Variants in GLT8D2 observed in about 807,000 individuals in gnomAD.
GLT8D2 encodes glycosyltransferase 8 domain containing 2.
In GLT8D2, 45 loss-of-function variants were observed where a neutral mutation model predicts 44.5. The observed-to-expected ratio is 1.01, with a 90% CI of 0.80 to 1.30. The LOEUF (loss-of-function observed/expected upper bound fraction) is 1.30, where lower values mean the gene tolerates loss of function less well. Ranked by LOEUF, GLT8D2 falls within the 50% of genes most tolerant of loss-of-function variation. The pLI, the probability that GLT8D2 is intolerant of heterozygous loss-of-function variation, is 0.00. For synonymous variants in GLT8D2, 156 were observed against 157.2 expected (o/e 0.99, Z 0.06); for missense variants, 400 against 430.4 (o/e 0.93, Z 0.62).
At chr12:104,031,431 A>G in intron 1 of GLT8D2, 2 of 1,612,052 alleles carry the variant, frequency 1.2e-6, no homozygotes, top group Middle Eastern at 1.9e-4. Flanking sequence ...CCCATTGTCT[A>G]TGAATTGGAC....
At chr12:104,041,262 A>C (rs112945810) in intron 1 of GLT8D2, among the ~76,000 whole-genome samples, 360 of 152,202 alleles carry the variant, frequency 2.4e-3, no homozygotes, top group Middle Eastern at 6.8e-3. Flanking sequence ...AAAAATACAA[A>C]AATTAGCTGG....
chr12:104,026,420 G>A (rs1878581532), intron 1 of GLT8D2, among the ~76,000 whole-genome samples: 1 of 152,084 alleles, frequency 6.6e-6, no homozygotes, highest in Non-Finnish European at 1.5e-5. Flanking sequence ...ATATTCTGGA[G>A]TATTTTATTT....
intron 1 of GLT8D2, among the ~76,000 whole-genome samples, chr12:104,045,917 AAG>A (rs1491121170): frequency 4.1e-5 from 6 of 146,422 alleles, no homozygotes; most frequent in East Asian, 2.1e-4. Context: ...GAAAGAAAGA[AAG>A]AAAGAAAGAA....
At chr12:104,049,384 C>T (rs1247343155) in intron 1 of GLT8D2, 1 of 152,024 alleles carries the variant, frequency 6.6e-6, no homozygotes, top group African/African-American at 2.4e-5. Flanking sequence ...GCATTTTCAA[C>T]CCAAACACCA....
At chr12:104,038,664 G>A (rs1211420388) in intron 1 of GLT8D2, among the ~76,000 whole-genome samples, 3 of 152,098 alleles carry the variant, frequency 2.0e-5, no homozygotes, top group African/African-American at 7.2e-5. Context: ...ACAAATGGAA[G>A]AACATTCCAT....
upstream of GLT8D2, among the ~76,000 whole-genome samples, chr12:104,051,895 T>C (rs1451125769): frequency 6.6e-6 from 1 of 152,182 alleles, no homozygotes; most frequent in Non-Finnish European, 1.5e-5. Context: ...TTTAAGGTAA[T>C]GGATATCCCA....
At chr12:104,039,570 G>A (rs1486689002) in intron 1 of GLT8D2, among the ~76,000 whole-genome samples, 1 of 151,158 alleles carries the variant, frequency 6.6e-6, no homozygotes, top group Admixed American at 6.6e-5. Flanking sequence ...GGCCATCAGA[G>A]AAATGCAAAT....
At chr12:104,030,972 G>C (rs1879182768) in intron 1 of GLT8D2, 2 of 1,368,864 alleles carry the variant, frequency 1.5e-6, no homozygotes, top group South Asian at 1.2e-5. Flanking sequence ...AGAGCGATCC[G>C]GACCCTCTGG....
At chr12:103,992,226 C>A (rs2723848) in intron 10 of GLT8D2, among the ~76,000 whole-genome samples, 144,802 of 152,320 alleles carry the variant, frequency 0.95, 68,892 homozygotes, top group East Asian at 1. Context: ...TAACCTGCCC[C>A]AAATCATAGT....
chr12:104,036,973 A>C (rs1879988754), intron 1 of GLT8D2, among the ~76,000 whole-genome samples: 1 of 152,234 alleles, frequency 6.6e-6, no homozygotes, highest in Non-Finnish European at 1.5e-5. Context: ...CTCTCAGACC[A>C]CATTGCAATC....
In GLT8D2 at chr12:103,994,408, C is replaced by A; in HGVS notation, c.694G>T (p.Val232Phe). The A allele has an allele frequency of 6.2e-7, 1 of 1,614,080 alleles. No individual in the cohort carries two copies. The highest frequency in any genetic ancestry group is 8.5e-7 in the Non-Finnish European group (1 of 1,179,988). Reference protein sequence around the residue: ...STCSFNPGVIVANMTEWKHQR... With the variant: ...STCSFNPGVIFANMTEWKHQR... ...TGCTTCCATTCTGTCATGTTGGCAA[C>A]AATCACACCAGGATTGAAAGAGCAG... Residue 232 changes from valine (V) to phenylalanine (F), a missense_variant, in exon 9 of 11, where the codon GTT becomes TTT. Coordinates refer to ENST00000360814, the MANE Select transcript of GLT8D2 (RefSeq NM_001384711.1).
intron 7 of GLT8D2, 80 bp downstream of exon 7, chr12:103,997,371 A>T: frequency 6.0e-6 from 6 of 1,006,636 alleles, no homozygotes; most frequent in Non-Finnish European, 9.4e-6. Context: ...ACAATTAGTT[A>T]TTTGAAAAAT....
intron 5 of GLT8D2, among the ~76,000 whole-genome samples, chr12:104,001,703 T>G (rs1434503637): frequency 6.6e-6 from 1 of 152,112 alleles, no homozygotes; most frequent in Non-Finnish European, 1.5e-5. Flanking sequence ...TATTTTTTAT[T>G]TATTATTTTT....
chr12:104,048,375 A>G (rs74951250), intron 1 of GLT8D2, among the ~76,000 whole-genome samples: 5,547 of 152,274 alleles, frequency 0.036, 342 homozygotes, highest in African/African-American at 0.13. Flanking sequence ...TTAAAATGCT[A>G]TTATGCCTTG....
chr12:104,057,460 G>A (rs554014534), intron 1 of GLT8D2, among the ~76,000 whole-genome samples: 1 of 151,894 alleles, frequency 6.6e-6, no homozygotes, highest in African/African-American at 2.4e-5. Flanking sequence ...GGTCAAGGTT[G>A]TGGTGAGCTG....
chr12:104,022,035 GAAGAAGAAGAAGAAGAAGAAGGGA>G (rs1877934619), intron 1 of GLT8D2, among the ~76,000 whole-genome samples: 1 of 95,242 alleles, frequency 1.0e-5, no homozygotes. Flanking sequence ...AGAAGAAGAA[GAAGAAGAAGAAGAAGAAGAAGGGA>G]AAGAAAGAAA....
At position 104,026,337 on chromosome 12, in the gene GLT8D2, A is replaced by G. The variant is rs539256072; in HGVS notation, c.-163-4846T>C. Among the ~76,000 whole-genome samples, 13 of 152,202 alleles carry G rather than the reference A, an allele frequency of 8.5e-5. 1 individual carries two copies. In the South Asian group the frequency reaches 2.3e-3, roughly 27 times the overall value. On this transcript the variant is annotated intron_variant, in intron 1 of 10. Coordinates refer to ENST00000360814, the MANE Select transcript of GLT8D2 (RefSeq NM_001384711.1). ...AGAGTACTATCAGGACCAAGCAGGC[A>G]AGAAAAGGGTTGATCTACCATGAAA...
chr12:104,000,462 GTTTAC>G (rs2136290938), intron 5 of GLT8D2, among the ~76,000 whole-genome samples: 1 of 152,154 alleles, frequency 6.6e-6, no homozygotes, highest in South Asian at 2.1e-4. Context: ...ACATGAGTGT[GTTTAC>G]TTTGTGATGA....
Position 104,014,872 on chromosome 12 carries a change from G to A in GLT8D2, c.112+141C>T, listed in dbSNP as rs932969632. The stretch of plus-strand genomic sequence containing the variant: ...GGGCACGACTGAAAAGGTGGTCTAG[G>A]GCGGATATTCTACTAGCAGGTCCTT... On this transcript the variant is annotated intron_variant, in intron 4 of 10. Coordinates refer to ENST00000360814, the MANE Select transcript of GLT8D2 (RefSeq NM_001384711.1). 6.4e-6 allele frequency: 4 copies of A among 621,400 alleles called. No individual in the cohort carries two copies. The Admixed American group carries it at 8.2e-5, about 13-fold the overall frequency. 38.5% of individuals were successfully genotyped at this position (621,400 alleles called of 1,614,324 possible).
Sources: gnomAD v4.1 joint callset for allele counts (sites outside exome capture counted in the v4.1 genomes callset) on GRCh38, gnomAD v4.1.1 for gene constraint, MANE v1.5 for transcripts, NCBI Gene and HGNC (gene_info 2026-07-23, HGNC 2026-07-21) for gene names.